Variants in TMOD1 observed in about 807,000 individuals in gnomAD.
TMOD1 encodes the protein tropomodulin-1.
A neutral mutation model predicts 40.6 loss-of-function variants in TMOD1; 17 were observed. The observed-to-expected ratio is 0.42, with a 90% confidence interval of 0.29 to 0.63. TMOD1 has a LOEUF of 0.63. TMOD1 is among the 20% of genes least tolerant of loss of function. The pLI is 0.22. For synonymous variants in TMOD1, 181 were observed against 175.0 expected, an observed-to-expected ratio of 1.03 and a Z score of -0.27; for missense variants, 391 against 447.6, an observed-to-expected ratio of 0.87 and a Z score of 1.14.
At chr9:97,560,038 G>A (rs1489022576) in intron 4 of TMOD1, among the ~76,000 whole-genome samples, 1 of 151,480 alleles carries the variant, frequency 6.6e-6, no homozygotes, top group Non-Finnish European at 1.5e-5. Context: ...GACATCAGGG[G>A]CATGGTCAGG....
chr9:97,563,963 C>A (rs953422912), intron 5 of TMOD1, 75 bp from the exon 6 acceptor site: 3 of 1,497,182 alleles, frequency 2.0e-6, no homozygotes, highest in Admixed American at 1.9e-5. Context: ...ATGCTCCCTT[C>A]CACAGTATCT....
Position 97,564,061 on chromosome 9 carries a change from A to C in TMOD1, c.511A>C (p.Lys171Gln). The change falls in exon 6 of 10, where the codon AAG becomes CAG. Residue 171 changes from lysine to glutamine, a missense_variant. By Grantham distance (53) the Lys-to-Gln change is moderately conservative. Transcript: ENST00000259365. The part of the protein sequence containing the change: ...LNSVIKPTQY[K>Q]PVPDEEPNST... ...AGGCGTGATTAAACCCACACAATACAAGCCTGTGCCCGACGAAGAACCAAA... is the reference window on the plus strand; with the variant it reads ...AGGCGTGATTAAACCCACACAATACCAGCCTGTGCCCGACGAAGAACCAAA... 5.6e-6 allele frequency: 9 copies of C among 1,614,180 alleles called. No individual in the cohort carries two copies. The highest frequency in any genetic ancestry group is 7.6e-6 in the Non-Finnish European group (9 of 1,180,030).
chr9:97,539,691 G>A (rs771256694), intron 2 of TMOD1, among the ~76,000 whole-genome samples: 6 of 152,200 alleles, frequency 3.9e-5, no homozygotes, highest in Non-Finnish European at 7.3e-5. Flanking sequence ...TTCAGCCCGG[G>A]TGAGGTGGCT....
chr9:97,536,324 G>C (rs1830183722), intron 2 of TMOD1, among the ~76,000 whole-genome samples: 1 of 152,114 alleles, frequency 6.6e-6, no homozygotes, highest in East Asian at 1.9e-4. Flanking sequence ...GATAGGTTTG[G>C]CCTGGCCTGG....
At chr9:97,529,355 C>T (rs1338503945) in intron 2 of TMOD1, among the ~76,000 whole-genome samples, 1 of 152,132 alleles carries the variant, frequency 6.6e-6, no homozygotes, top group African/African-American at 2.4e-5. Flanking sequence ...CTAGCTCTAA[C>T]CACATATGAT....
intron 4 of TMOD1, chr9:97,555,745 G>A (rs1249736791): frequency 2.8e-6 from 4 of 1,447,908 alleles, no homozygotes; most frequent in South Asian, 2.4e-5. Context: ...TGCATTTATT[G>A]ACCAAAACAA....
At chr9:97,506,950 GA>G (rs1829600635) in intron 1 of TMOD1, among the ~76,000 whole-genome samples, 2 of 152,270 alleles carry the variant, frequency 1.3e-5, no homozygotes, top group South Asian at 4.2e-4. Flanking sequence ...AAGTTGATTA[GA>G]AAATAAACTT....
chr9:97,522,151 G>A (rs1829928054), intron 1 of TMOD1, among the ~76,000 whole-genome samples: 1 of 152,204 alleles, frequency 6.6e-6, no homozygotes, highest in African/African-American at 2.4e-5. Flanking sequence ...CACACACAGC[G>A]TGGCTTAAAT....
chr9:97,533,265 C>T (rs1830130026), intron 2 of TMOD1, among the ~76,000 whole-genome samples: 1 of 152,208 alleles, frequency 6.6e-6, no homozygotes, highest in Non-Finnish European at 1.5e-5. Context: ...AAAAAATAGA[C>T]ACATACACAA....
intron 2 of TMOD1, among the ~76,000 whole-genome samples, chr9:97,544,380 A>G (rs1830325841): frequency 6.6e-6 from 1 of 152,072 alleles, no homozygotes; most frequent in Non-Finnish European, 1.5e-5. Flanking sequence ...TACTAAAAAT[A>G]CAAAAATTAG....
chr9:97,503,625 G>A (rs1306683287), intron 1 of TMOD1, among the ~76,000 whole-genome samples: 9 of 152,186 alleles, frequency 5.9e-5, no homozygotes, highest in Non-Finnish European at 1.0e-4. Flanking sequence ...GAAAGCCAGT[G>A]TCCTCTAAAA....
At chr9:97,552,679 G>A (rs1196389152) in intron 3 of TMOD1, among the ~76,000 whole-genome samples, 1 of 152,170 alleles carries the variant, frequency 6.6e-6, no homozygotes, top group African/African-American at 2.4e-5. Context: ...TTCTTAGTAA[G>A]TAGCAATTGC....
At position 97,563,875 on chromosome 9, in the gene TMOD1, G is replaced by A. The variant is rs1340177459; in HGVS notation, c.488-163G>A. ...AACCCCAGCCTCCTGGCTCCCTTGCGGGGCTTCTTCTGAGTGGTGCCCCCT... is the reference window on the plus strand; with the variant it reads ...AACCCCAGCCTCCTGGCTCCCTTGCAGGGCTTCTTCTGAGTGGTGCCCCCT... On this transcript the variant is annotated intron_variant, in intron 5 of 9. Transcript: ENST00000259365. Among the ~76,000 whole-genome samples the A allele has an allele frequency of 2.6e-5, 4 of 152,162 alleles. 1 individual carries two copies. Among genetic ancestry groups the A allele is most frequent in the African/African-American group, 9.7e-5 (4 of 41,430 alleles).
chr9:97,593,531 C>T (rs3897841), intron 9 of TMOD1, among the ~76,000 whole-genome samples: 2,143 of 152,130 alleles, frequency 0.014, 102 homozygotes, highest in East Asian at 0.13. Flanking sequence ...TTCTGGGCAA[C>T]TTTTGTGTGC....
intron 2 of TMOD1, among the ~76,000 whole-genome samples, chr9:97,540,339 G>C (rs1333446264): frequency 6.6e-6 from 1 of 152,240 alleles, no homozygotes; most frequent in African/African-American, 2.4e-5. Flanking sequence ...CTCTCTGTGT[G>C]TTCTCACGGT....
At chr9:97,593,740 G>A (rs115982888) in intron 9 of TMOD1, among the ~76,000 whole-genome samples, 1,771 of 152,168 alleles carry the variant, frequency 0.012, 32 homozygotes, top group African/African-American at 0.041. Context: ...GGTTGGGGAT[G>A]GGGCTTTAGC....
chr9:97,510,851 C>T (rs142694392), intron 1 of TMOD1, among the ~76,000 whole-genome samples: 16 of 152,078 alleles, frequency 1.1e-4, no homozygotes, highest in African/African-American at 2.9e-4. Flanking sequence ...AGGGGCAGAG[C>T]GTGGGGAGAG....
At chr9:97,533,842 T>G (rs1288193734) in intron 2 of TMOD1, among the ~76,000 whole-genome samples, 1 of 152,216 alleles carries the variant, frequency 6.6e-6, no homozygotes, top group African/African-American at 2.4e-5. Flanking sequence ...ATGTGATTTG[T>G]GCAGTGTTTT....
intron 8 of TMOD1, among the ~76,000 whole-genome samples, chr9:97,587,800 G>A (rs917999295): frequency 1.3e-5 from 2 of 152,048 alleles, no homozygotes; most frequent in Non-Finnish European, 1.5e-5. Flanking sequence ...CCTTTCCATC[G>A]CTATGGATTT....
Sources: gnomAD v4.1 joint callset for allele counts (sites outside exome capture counted in the v4.1 genomes callset) on GRCh38, gnomAD v4.1.1 for gene constraint, MANE v1.5 for transcripts, NCBI Gene and HGNC (gene_info 2026-07-23, HGNC 2026-07-21) for gene names.